The following CEP63 variants were observed in gnomAD, a reference collection of about 807,000 sequenced individuals.
CEP63 encodes the protein centrosomal protein of 63 kDa.
CEP63 carries 84 observed loss-of-function variants against 89.1 expected under a neutral mutation model. The ratio of observed to expected loss-of-function variants is 0.94; its 90% confidence interval spans 0.79 to 1.13. The LOEUF is 1.13. CEP63 is among the 50% of genes most tolerant of loss of function. The pLI is 0.00. For missense variants in CEP63, 838 were observed against 813.3 expected, an observed-to-expected ratio of 1.03 and a Z score of -0.37; for synonymous variants, 267 against 272.5, an observed-to-expected ratio of 0.98 and a Z score of 0.20.
chr3:134,489,629 C>T (rs1396592484), intron 1 of CEP63, among the ~76,000 whole-genome samples: 1 of 152,132 alleles, frequency 6.6e-6, no homozygotes, highest in Admixed American at 6.6e-5. Flanking sequence ...TGGTGATTAT[C>T]TAATTCTATT....
At chr3:134,693,141 T>G in the CEP63 span, among the ~76,000 whole-genome samples, 1 of 152,134 alleles carries the variant, frequency 6.6e-6, no homozygotes, top group Non-Finnish European at 1.5e-5. Context: ...GATGGGATGG[T>G]CATATAACAC....
the CEP63 span, among the ~76,000 whole-genome samples, chr3:134,756,348 G>C: frequency 3.9e-5 from 6 of 152,090 alleles, no homozygotes; most frequent in Admixed American, 2.6e-4. Flanking sequence ...AGTTATGAAG[G>C]GTATCCTTTT....
chr3:134,662,412 T>C, the CEP63 span, among the ~76,000 whole-genome samples: 1 of 152,220 alleles, frequency 6.6e-6, no homozygotes, highest in Admixed American at 6.5e-5. Flanking sequence ...CTGTTGTCTA[T>C]AAGCCACCCA....
chr3:134,503,100 CTTTTTTTTTTT>C (rs34673408), intron 2 of CEP63, among the ~76,000 whole-genome samples: 1 of 92,020 alleles, frequency 1.1e-5, no homozygotes, highest in African/African-American at 4.3e-5. Context: ...TGATTTCAAT[CTTTTTTTTTTT>C]TTTTTTTTTG....
chr3:134,767,995 A>C, the CEP63 span, among the ~76,000 whole-genome samples: 2 of 152,348 alleles, frequency 1.3e-5, no homozygotes, highest in South Asian at 4.1e-4. Flanking sequence ...AGACAGCTAG[A>C]GCAAAAAGCT....
At chr3:134,555,399 T>C (rs1406575082) in intron 12 of CEP63, among the ~76,000 whole-genome samples, 2 of 151,548 alleles carry the variant, frequency 1.3e-5, no homozygotes, top group African/African-American at 2.4e-5. Context: ...AAAATCTCCT[T>C]AAGCTGATAA....
the CEP63 span, among the ~76,000 whole-genome samples, chr3:134,774,761 A>G: frequency 3.3e-5 from 5 of 152,320 alleles, no homozygotes; most frequent in Admixed American, 2.0e-4. Flanking sequence ...CATTGAACTC[A>G]TTAAACAGAC....
the CEP63 span, among the ~76,000 whole-genome samples, chr3:134,617,441 G>T: frequency 5.3e-5 from 8 of 152,148 alleles, no homozygotes; most frequent in Non-Finnish European, 8.8e-5. Flanking sequence ...GGAGGTAGAA[G>T]GAGAGAGGAG....
Position 134,507,110 on chromosome 3 carries a change from G to A in CEP63, c.46G>A (p.Gly16Arg). ...TTAATGATCTGTTCTTCTTTATAGG[G>A]GATTTTTGACATCTTGTGAAGCAGA... ...EGIQNRGHGG[G>R]FLTSCEAELQ... Residue 16 changes from glycine to arginine, a missense_variant and splice_region_variant, in exon 3 of 15, where the codon GGA becomes AGA. Coordinates refer to ENST00000675561, the MANE Select transcript of CEP63 (RefSeq NM_001353108.3). 6 of 1,611,132 alleles carry A rather than the reference G, an allele frequency of 3.7e-6. No individual in the cohort carries two copies. The highest frequency in any genetic ancestry group is 5.1e-6 in the Non-Finnish European group (6 of 1,178,238).
chr3:134,495,055 T>C (rs6804907), intron 1 of CEP63, among the ~76,000 whole-genome samples: 4 of 152,168 alleles, frequency 2.6e-5, no homozygotes, highest in Non-Finnish European at 4.4e-5. Context: ...ATATTTGATA[T>C]TTACACGGAG....
chr3:134,705,992 G>A, the CEP63 span, among the ~76,000 whole-genome samples: 1 of 152,180 alleles, frequency 6.6e-6, no homozygotes, highest in Non-Finnish European at 1.5e-5. Flanking sequence ...GAGGCCACCA[G>A]CACTAACCCA....
At chr3:134,608,770 G>A in the CEP63 span, 107 of 1,613,938 alleles carry the variant, frequency 6.6e-5, no homozygotes, top group Middle Eastern at 8.2e-4. Flanking sequence ...GCAGCTGCCA[G>A]TTCTTGTTGT....
At chr3:134,532,724 CACT>C in intron 4 of CEP63, 51 bp from the exon 5 acceptor site, 1 of 1,463,060 alleles carries the variant, frequency 6.8e-7, no homozygotes, top group Non-Finnish European at 9.5e-7. Flanking sequence ...TTTGTCTCAC[CACT>C]ACTTCTTACA....
chr3:134,494,619 A>G (rs1415756996), intron 1 of CEP63, among the ~76,000 whole-genome samples: 1 of 152,174 alleles, frequency 6.6e-6, no homozygotes, highest in Non-Finnish European at 1.5e-5. Flanking sequence ...GATGAATAAA[A>G]TTGGGTTTCT....
the CEP63 span, among the ~76,000 whole-genome samples, chr3:134,638,276 A>G: frequency 6.6e-6 from 1 of 152,214 alleles, no homozygotes; most frequent in Admixed American, 6.5e-5. Flanking sequence ...CTATGACGCT[A>G]CTGGATCAAA....
At position 134,572,405 on chromosome 3, in the gene CEP63, C is replaced by T. The variant is rs530478624; in HGVS notation, c.1330-2388C>T. ...TAGACAGTTTTTCAACCCTTGCTCC[C>T]CTCCCTTCTTCCTCTTTCTATCCCC... On this transcript the variant is annotated intron_variant, in intron 11 of 11. Coordinates refer to the CEP63 transcript ENST00000354446. 3.3e-5 allele frequency among the ~76,000 whole-genome samples: 5 copies of T among 152,172 alleles called. No individual in the cohort carries two copies. The East Asian group carries it at 5.8e-4, about 18-fold the overall frequency.
chr3:134,581,000 G>C (rs1958332176), intron 10 of CEP63, among the ~76,000 whole-genome samples: 1 of 83,980 alleles, frequency 1.2e-5, no homozygotes, highest in South Asian at 4.3e-4. Flanking sequence ...AAGAGTATCA[G>C]AGTGATGTGG....
chr3:134,650,931 T>C, the CEP63 span: 1 of 1,613,314 alleles, frequency 6.2e-7, no homozygotes. Context: ...TGTCGATAGA[T>C]ACAGCGTTGA....
the CEP63 span, among the ~76,000 whole-genome samples, chr3:134,749,736 G>GAAAAAAAAAAAA: frequency 1.6e-4 from 9 of 55,770 alleles, no homozygotes; most frequent in African/African-American, 2.6e-4. Flanking sequence ...AAAAAAAAAG[G>GAAAAAAAAAAAA]AAAATGATGC....
Sources: gnomAD v4.1 joint callset for allele counts (sites outside exome capture counted in the v4.1 genomes callset) on GRCh38, gnomAD v4.1.1 for gene constraint, MANE v1.5 for transcripts, NCBI Gene and HGNC (gene_info 2026-07-23, HGNC 2026-07-21) for gene names.